The following SPAG16 variants were observed in gnomAD, a reference collection of about 807,000 sequenced individuals.
SPAG16 encodes sperm associated antigen 16, also known as sperm-associated antigen 16 protein.
In SPAG16, 86 loss-of-function variants were observed where a neutral mutation model predicts 80.4. That is an observed-to-expected ratio of 1.07 (90% CI 0.90 to 1.28). The LOEUF is 1.28. Among genes scored for constraint, SPAG16 ranks in the 50% most tolerant of loss-of-function variants. SPAG16 has a pLI of 0.00. For synonymous variants in SPAG16, 294 were observed against 265.9 expected (o/e 1.11, Z -1.03); for missense variants, 870 against 765.3 (o/e 1.14, Z -1.61).
intron 14 of SPAG16, among the ~76,000 whole-genome samples, chr2:214,117,466 T>A (rs956566837): frequency 6.6e-6 from 1 of 152,066 alleles, no homozygotes; most frequent in African/African-American, 2.4e-5. Flanking sequence ...TTCCAAAAAC[T>A]TGAAGAGGAT....
At chr2:213,716,247 G>A (rs1002478809) in intron 10 of SPAG16, among the ~76,000 whole-genome samples, 4 of 151,990 alleles carry the variant, frequency 2.6e-5, no homozygotes, top group Non-Finnish European at 5.9e-5. Context: ...CTCTTCATAC[G>A]AAAATAGAGA....
intron 9 of SPAG16, among the ~76,000 whole-genome samples, chr2:213,460,774 G>T (rs554034888): frequency 6.6e-6 from 1 of 152,230 alleles, no homozygotes; most frequent in Admixed American, 6.5e-5. Flanking sequence ...GTTGGTCATA[G>T]TAAATCAGTA....
chr2:214,041,947 A>T (rs911675760), intron 13 of SPAG16, among the ~76,000 whole-genome samples: 12 of 141,448 alleles, frequency 8.5e-5, no homozygotes, highest in African/African-American at 3.1e-4. Flanking sequence ...ATATATATAT[A>T]GTTTGTGTAT....
intron 15 of SPAG16, among the ~76,000 whole-genome samples, chr2:214,209,606 C>T (rs1034194307): frequency 4.6e-5 from 7 of 152,116 alleles, no homozygotes; most frequent in African/African-American, 1.4e-4. Flanking sequence ...TTGCAGCTGA[C>T]CTAGTTGTCT....
intron 9 of SPAG16, among the ~76,000 whole-genome samples, chr2:213,444,295 T>G (rs1428408307): frequency 2.0e-5 from 3 of 152,178 alleles, no homozygotes; most frequent in Non-Finnish European, 2.9e-5. Flanking sequence ...GGGTGGAGTT[T>G]GTGGCATATG....
intron 10 of SPAG16, among the ~76,000 whole-genome samples, chr2:213,566,647 A>G (rs958114669): frequency 6.6e-6 from 1 of 152,204 alleles, no homozygotes; most frequent in African/African-American, 2.4e-5. Context: ...TATGTTGACT[A>G]AAAATCAATT....
At chr2:213,296,174 A>C in intron 2 of SPAG16, 64 bp downstream of exon 2, 1 of 1,203,958 alleles carries the variant, frequency 8.3e-7, no homozygotes, top group Non-Finnish European at 1.2e-6. Flanking sequence ...TGAAATGCTC[A>C]TTTTATTTTC....
intron 14 of SPAG16, among the ~76,000 whole-genome samples, chr2:214,123,728 G>A (rs1273741261): frequency 6.6e-6 from 1 of 151,996 alleles, no homozygotes; most frequent in Non-Finnish European, 1.5e-5. Context: ...TGATCAGAGA[G>A]AGATTCTCTG....
At chr2:214,332,128 T>C (rs950801590) in intron 15 of SPAG16, among the ~76,000 whole-genome samples, 1 of 152,170 alleles carries the variant, frequency 6.6e-6, no homozygotes, top group Non-Finnish European at 1.5e-5. Flanking sequence ...GGCATGCTCC[T>C]GTGAGCCCAG....
intron 15 of SPAG16, among the ~76,000 whole-genome samples, chr2:214,351,027 G>T (rs10804225): frequency 0.49 from 74,507 of 151,846 alleles, 21,934 homozygotes; most frequent in South Asian, 0.67. Flanking sequence ...GGCTAAGCTG[G>T]ACAAGCAGAG....
chr2:213,356,022 T>A (rs1028565146), intron 7 of SPAG16, among the ~76,000 whole-genome samples: 3 of 152,168 alleles, frequency 2.0e-5, no homozygotes, highest in African/African-American at 7.2e-5. Context: ...TAAATAGCTC[T>A]TATTATTTTG....
chr2:213,407,794 GAC>G (rs2068721908), intron 9 of SPAG16, among the ~76,000 whole-genome samples: 1 of 131,822 alleles, frequency 7.6e-6, no homozygotes, highest in Non-Finnish European at 1.7e-5. Context: ...GAGGAAGAGA[GAC>G]AGGAGAGGCA....
At chr2:213,726,922 C>T (rs901730509) in intron 10 of SPAG16, among the ~76,000 whole-genome samples, 6 of 152,164 alleles carry the variant, frequency 3.9e-5, no homozygotes, top group Non-Finnish European at 7.3e-5. Context: ...ATACACTAGA[C>T]ATTCTACTCC....
At chr2:213,308,875 C>G (rs1427482150) in intron 3 of SPAG16, among the ~76,000 whole-genome samples, 1 of 152,034 alleles carries the variant, frequency 6.6e-6, no homozygotes, top group Non-Finnish European at 1.5e-5. Context: ...TCCTCTCAAG[C>G]CTTAACAAAT....
At chr2:213,811,649 G>A (rs938482440) in intron 10 of SPAG16, among the ~76,000 whole-genome samples, 4 of 152,128 alleles carry the variant, frequency 2.6e-5, no homozygotes, top group Admixed American at 6.5e-5. Context: ...AAGAGAATAA[G>A]GAGCATTGTC....
At chr2:214,280,714 G>T in intron 15 of SPAG16, 1 of 367,388 alleles carries the variant, frequency 2.7e-6, no homozygotes, top group South Asian at 2.8e-5. Context: ...CTGAGCAAGG[G>T]ACATTTTGGG....
At chr2:213,540,724 G>T (rs975046768) in intron 10 of SPAG16, among the ~76,000 whole-genome samples, 5 of 152,188 alleles carry the variant, frequency 3.3e-5, no homozygotes, top group African/African-American at 1.2e-4. Context: ...AATGTTCAGT[G>T]AAATAGCATA....
rs563945524 is a variant in SPAG16 at position 214,271,361 on chromosome 2, CA to C, written c.1720+122097del. Among the ~76,000 whole-genome samples, 9 of 152,106 alleles carry C rather than the reference CA, an allele frequency of 5.9e-5. No individual in the cohort carries two copies. In the South Asian group the frequency reaches 1.7e-3, roughly 28 times the overall value. ...AATGTAAATAAGTCCCTTATGATAC[CA>C]AGTATTTTTTCATATCTATATCCAT... On this transcript the variant is annotated intron_variant, in intron 15 of 15. Coordinates refer to ENST00000331683, the MANE Select transcript of SPAG16 (RefSeq NM_024532.5).
chr2:213,666,906 A>T (rs2063626974), intron 10 of SPAG16, among the ~76,000 whole-genome samples: 1 of 152,176 alleles, frequency 6.6e-6, no homozygotes, highest in Non-Finnish European at 1.5e-5. Context: ...AATATTATAG[A>T]ATGGAAATCT....
Sources: gnomAD v4.1 joint callset for allele counts (sites outside exome capture counted in the v4.1 genomes callset) on GRCh38, gnomAD v4.1.1 for gene constraint, MANE v1.5 for transcripts, NCBI Gene and HGNC (gene_info 2026-07-23, HGNC 2026-07-21) for gene names.